C3orf70: variants seen among roughly 807,000 people sequenced by gnomAD.
The protein encoded by C3orf70 is chromosome 3 open reading frame 70, also known as UPF0524 protein C3orf70.
Under a neutral mutation model 20.7 loss-of-function variants are expected in C3orf70, and 15 were observed. The ratio of observed to expected loss-of-function variants is 0.72; its 90% CI spans 0.48 to 1.11. C3orf70 has a LOEUF of 1.11. Among genes scored for constraint, C3orf70 ranks in the 50% most tolerant of loss-of-function variants. The pLI, the probability that C3orf70 is intolerant of heterozygous loss-of-function variation, is 0.00. For synonymous variants in C3orf70, 161 were observed against 125.7 expected, an observed-to-expected ratio of 1.28 and a Z score of -1.88; for missense variants, 332 against 317.6, an observed-to-expected ratio of 1.05 and a Z score of -0.34.
In C3orf70 at chr3:185,078,039, C is replaced by G. The variant is rs1715235841; in HGVS notation, c.*4968G>C. The G allele has an allele frequency of 6.6e-6, 1 of 152,006 alleles. No individual in the cohort carries two copies. The highest frequency in any genetic ancestry group is 1.5e-5 in the Non-Finnish European group (1 of 67,938). The allele number at this position is 152,006 out of a possible 1,614,324, so 9.4% of individuals were successfully genotyped here. A position where few individuals can be genotyped will look rare whatever the true frequency, so the allele number is the denominator to read the frequency against. On this transcript the variant is annotated 3_prime_UTR_variant, in exon 2 of 2. Coordinates refer to ENST00000335012, the MANE Select transcript of C3orf70 (RefSeq NM_001025266.3). ...TTTTGGGGTTGGGTACACTCCAAAA[C>G]AGCAGATTTGTTCTGGTATAAAAGA...
intron 1 of C3orf70, among the ~76,000 whole-genome samples, chr3:185,133,979 C>T (rs1716572280): frequency 6.6e-6 from 1 of 151,946 alleles, no homozygotes; most frequent in Non-Finnish European, 1.5e-5. Context: ...GTCCCAGCTA[C>T]TCAGGAGGCT....
intron 1 of C3orf70, among the ~76,000 whole-genome samples, chr3:185,096,415 A>G (rs1715705798): frequency 6.6e-6 from 1 of 152,128 alleles, no homozygotes; most frequent in African/African-American, 2.4e-5. Flanking sequence ...CTATAAAGGG[A>G]GTCATTCCAC....
chr3:185,121,505 GA>G (rs1716296306), intron 1 of C3orf70, among the ~76,000 whole-genome samples: 1 of 152,118 alleles, frequency 6.6e-6, no homozygotes, highest in Admixed American at 6.5e-5. Flanking sequence ...ATGAGAGGCT[GA>G]AAGGGGGAGG....
chr3:185,128,245 T>C (rs545031313), intron 1 of C3orf70, among the ~76,000 whole-genome samples: 1 of 152,086 alleles, frequency 6.6e-6, no homozygotes, highest in South Asian at 2.1e-4. Flanking sequence ...AAAGTGAAAA[T>C]CGGCCAGGTG....
intron 1 of C3orf70, among the ~76,000 whole-genome samples, chr3:185,137,242 T>G (rs1361617550): frequency 6.6e-6 from 1 of 152,228 alleles, no homozygotes; most frequent in Non-Finnish European, 1.5e-5. Context: ...CTCCTTGCCT[T>G]CTGCCATGAT....
chr3:185,146,276 ATTTTTTTTTTTTT>A (rs10576073), intron 1 of C3orf70, among the ~76,000 whole-genome samples: 43 of 67,090 alleles, frequency 6.4e-4, no homozygotes, highest in African/African-American at 2.0e-3. Context: ...TACAACTCTC[ATTTTTTTTTTTTT>A]TTTTTTTTTT....
chr3:185,147,035 AAC>A (rs747503948), intron 1 of C3orf70, among the ~76,000 whole-genome samples: 2 of 152,226 alleles, frequency 1.3e-5, no homozygotes, highest in Non-Finnish European at 2.9e-5. Context: ...ATCTTCTCTG[AAC>A]AGTCTTGAAA....
Position 185,083,550 on chromosome 3 carries a change from A to C in C3orf70, c.210T>G (p.Tyr70Ter). 2 of 1,594,116 alleles carry C rather than the reference A, an allele frequency of 1.3e-6. No homozygotes were observed. Among genetic ancestry groups the C allele is most frequent in the Non-Finnish European group, 1.7e-6 (2 of 1,170,694 alleles). ...HLGWCHCKYM[Y>*]QPMTPVEQLP... ...GCTGTTCCACAGGGGTCATAGGCTG[A>C]TACATGTATTTGCCTGTGAAGACAC... The change falls in exon 2 of 2, where the codon TAT becomes TAG. Residue 70 changes from tyrosine (Y) to a stop codon, truncating the protein, a stop_gained. Coordinates refer to ENST00000335012, the MANE Select transcript of C3orf70 (RefSeq NM_001025266.3). LOFTEE classifies it high-confidence loss of function.
intron 1 of C3orf70, among the ~76,000 whole-genome samples, chr3:185,091,804 C>T (rs965650310): frequency 6.8e-6 from 1 of 146,502 alleles, no homozygotes; most frequent in Non-Finnish European, 1.5e-5. Context: ...CCTGCCTCAG[C>T]GTCTCAAGTA....
chr3:185,129,835 G>T (rs1415796086), intron 1 of C3orf70, among the ~76,000 whole-genome samples: 1 of 152,180 alleles, frequency 6.6e-6, no homozygotes, highest in African/African-American at 2.4e-5. Context: ...ATTAAGAGCA[G>T]ATTGTAACAC....
At chr3:185,105,884 G>A (rs1715926119) in intron 1 of C3orf70, among the ~76,000 whole-genome samples, 1 of 152,136 alleles carries the variant, frequency 6.6e-6, no homozygotes, top group Admixed American at 6.6e-5. Flanking sequence ...TGTGGGGTGT[G>A]GTTTGTTCCA....
chr3:185,084,988 A>G (rs1715431337), intron 1 of C3orf70, among the ~76,000 whole-genome samples: 1 of 152,112 alleles, frequency 6.6e-6, no homozygotes, highest in Non-Finnish European at 1.5e-5. Flanking sequence ...TTTGGACCAG[A>G]TAATTCTTCA....
At chr3:185,127,928 A>T (rs1177441860) in intron 1 of C3orf70, among the ~76,000 whole-genome samples, 1 of 152,292 alleles carries the variant, frequency 6.6e-6, no homozygotes, top group East Asian at 1.9e-4. Flanking sequence ...AACAGCTTCA[A>T]TTTTTTCATT....
intron 1 of C3orf70, among the ~76,000 whole-genome samples, chr3:185,110,875 C>T (rs6808705): frequency 0.052 from 7,923 of 152,272 alleles, 673 homozygotes; most frequent in African/African-American, 0.18. Flanking sequence ...AGAAACAATG[C>T]GAATGGCTGG....
chr3:185,109,344 GT>G (rs1716013643), intron 1 of C3orf70, among the ~76,000 whole-genome samples: 1 of 152,170 alleles, frequency 6.6e-6, no homozygotes, highest in Non-Finnish European at 1.5e-5. Flanking sequence ...TTATGCTTGC[GT>G]TTCTCCAGGT....
chr3:185,114,025 C>T (rs1034659968), intron 1 of C3orf70, among the ~76,000 whole-genome samples: 12 of 152,036 alleles, frequency 7.9e-5, no homozygotes, highest in Non-Finnish European at 1.3e-4. Context: ...CATGAAGAAA[C>T]CCTGTCTCTA....
At chr3:185,142,605 C>T (rs1482806378) in intron 1 of C3orf70, among the ~76,000 whole-genome samples, 1 of 152,148 alleles carries the variant, frequency 6.6e-6, no homozygotes, top group Non-Finnish European at 1.5e-5. Flanking sequence ...TCAGCCAATA[C>T]TAAAATCACT....
chr3:185,134,974 A>C (rs1022035039), intron 1 of C3orf70, among the ~76,000 whole-genome samples: 3 of 152,182 alleles, frequency 2.0e-5, no homozygotes, highest in Non-Finnish European at 4.4e-5. Flanking sequence ...TCCATCTGGC[A>C]ATAATGAGGA....
intron 1 of C3orf70, among the ~76,000 whole-genome samples, chr3:185,112,503 T>C (rs1379104506): frequency 1.3e-5 from 2 of 152,194 alleles, no homozygotes; most frequent in Non-Finnish European, 2.9e-5. Flanking sequence ...CAAATTTCAC[T>C]AGAAAATTTA....
Sources: allele counts gnomAD v4.1 joint callset (sites outside exome capture counted in the v4.1 genomes callset), GRCh38; gene constraint gnomAD v4.1.1; transcripts MANE v1.5; gene names NCBI Gene and HGNC (gene_info 2026-07-23, HGNC 2026-07-21).